The following RAB1A variants were observed in gnomAD, a reference collection of about 807,000 sequenced individuals.
The protein encoded by RAB1A is ras-related protein Rab-1A.
RAB1A carries 2 observed loss-of-function variants against 26.0 expected under a neutral mutation model. The observed-to-expected ratio is 0.08, with a 90% confidence interval of 0.03 to 0.24. The LOEUF (loss-of-function observed/expected upper bound fraction) is 0.24. Among genes scored for constraint, RAB1A ranks in the 10% least tolerant of loss-of-function variants. RAB1A has a pLI of 1.00. For missense variants in RAB1A, 100 were observed against 247.0 expected, an observed-to-expected ratio of 0.40 and a Z score of 3.99; for synonymous variants, 84 against 84.9, an observed-to-expected ratio of 0.99 and a Z score of 0.06.
At chr2:65,105,529 A>AAAAAG (rs1229633332) in intron 1 of RAB1A, 17 of 151,382 alleles carry the variant, frequency 1.1e-4, no homozygotes, top group African/African-American at 4.1e-4. Context: ...AAAAAAAAAA[A>AAAAAG]AAAAAAAAAA....
intron 1 of RAB1A, among the ~76,000 whole-genome samples, chr2:65,118,392 AAAC>A (rs1202256457): frequency 3.3e-5 from 5 of 152,186 alleles, no homozygotes; most frequent in African/African-American, 1.2e-4. Flanking sequence ...AATTTAAAAT[AAAC>A]AACAAAAATT....
At position 65,119,662 on chromosome 2, in the gene RAB1A, G is replaced by C. The variant is rs1220813127; in HGVS notation, c.23+10231C>G. Among the ~76,000 whole-genome samples the C allele has an allele frequency of 2.7e-5, 4 of 150,430 alleles. No homozygotes were observed. In the East Asian group the frequency reaches 5.8e-4, roughly 22 times the overall value. ...CACCCAGAACCTGACCAAATACAAA[G>C]AAAAGTGTGATTCACTGCTTAAATT... On this transcript the variant is annotated intron_variant, in intron 1 of 5. Transcript: ENST00000409784.
intron 2 of RAB1A, among the ~76,000 whole-genome samples, chr2:65,102,550 ACTATCACAGTTCAT>A (rs1669454421): frequency 6.6e-6 from 1 of 151,996 alleles, no homozygotes; most frequent in Admixed American, 6.6e-5. Flanking sequence ...CCTTGAAATG[ACTATCACAGTTCAT>A]CTGAGAAAAT....
chr2:65,089,706 T>C (rs950006957), intron 4 of RAB1A, among the ~76,000 whole-genome samples: 1 of 7,716 alleles, frequency 1.3e-4, no homozygotes, highest in Non-Finnish European at 3.4e-4. Flanking sequence ...TGATTAATTT[T>C]TTTTTTTTTT....
intron 1 of RAB1A, among the ~76,000 whole-genome samples, chr2:65,108,756 A>C (rs910077129): frequency 1.3e-5 from 2 of 152,222 alleles, no homozygotes; most frequent in African/African-American, 4.8e-5. Flanking sequence ...CAGTGAGTCA[A>C]GATCACATCA....
At chr2:65,117,512 C>T (rs572474468) in intron 1 of RAB1A, among the ~76,000 whole-genome samples, 101 of 152,180 alleles carry the variant, frequency 6.6e-4, no homozygotes, top group Non-Finnish European at 9.9e-4. Flanking sequence ...ACCATGAATT[C>T]GTAAAGTAAC....
In RAB1A at chr2:65,087,559, G is replaced by T. The variant is rs1669064150; in HGVS notation, c.*934C>A. On this transcript the variant is annotated 3_prime_UTR_variant, in exon 6 of 6. Transcript: ENST00000409784. ...ATGCATTTATGAAATGTTGATCAATGAAGCTATTTCAAATGGTTTTAGAGA... is the reference window on the plus strand; with the variant it reads ...ATGCATTTATGAAATGTTGATCAATTAAGCTATTTCAAATGGTTTTAGAGA... The T allele has an allele frequency of 6.6e-6, 1 of 152,600 alleles. No homozygotes were observed. The highest frequency in any genetic ancestry group is 2.1e-4 in the South Asian group (1 of 4,832). 9.5% of individuals were successfully genotyped at this position (152,600 alleles called of 1,614,324 possible).
intron 1 of RAB1A, among the ~76,000 whole-genome samples, chr2:65,116,728 T>C (rs1351814432): frequency 6.6e-6 from 1 of 152,242 alleles, no homozygotes; most frequent in Non-Finnish European, 1.5e-5. Flanking sequence ...GGAGTTTACA[T>C]ATATAATCTA....
intron 1 of RAB1A, among the ~76,000 whole-genome samples, chr2:65,112,348 T>A (rs1436233344): frequency 6.6e-6 from 1 of 151,954 alleles, no homozygotes; most frequent in African/African-American, 2.4e-5. Context: ...GGTTTCACCA[T>A]GTTGGCCTGG....
rs748827204 is a variant in RAB1A at position 65,088,550 on chromosome 2, C to T, written c.561G>A (p.Lys187=). ...GPGATAGGAE[K]SNVKIQSTPV... is the part of the protein sequence containing the mutation. The stretch of plus-strand genomic sequence containing the variant: ...GAGTGCTCTGAATTTTAACATTGGA[C>T]TTCTCAGCACCACCAGCTGTTGCTC... Residue 187 remains lysine (K), a synonymous_variant, in exon 6 of 6, where the codon AAG becomes AAA. Transcript: ENST00000409784. 1.9e-6 allele frequency: 3 copies of T among 1,613,598 alleles called. No individual in the cohort carries two copies. Among genetic ancestry groups the T allele is most frequent in the Admixed American group, 3.3e-5 (2 of 59,944 alleles).
At chr2:65,099,434 C>A (rs9784068) in intron 2 of RAB1A, among the ~76,000 whole-genome samples, 24,304 of 152,036 alleles carry the variant, frequency 0.16, 2,098 homozygotes, top group African/African-American at 0.22. Flanking sequence ...ATCATATGAA[C>A]CACAAAGCAC....
Position 65,129,957 on chromosome 2 carries a change from C to A in RAB1A, c.-42G>T. 1 of 1,570,398 alleles carries A rather than the reference C, an allele frequency of 6.4e-7. No individual in the cohort carries two copies. On this transcript the variant is annotated 5_prime_UTR_variant, in exon 1 of 6. Coordinates refer to ENST00000409784, the MANE Select transcript of RAB1A (RefSeq NM_004161.5). ...CCGCCGCCACCGCCGCCCTTGCTGC[C>A]GCAGCCGCCGCCCTGACTCTCCGCG...
chr2:65,087,162 A>G lies in RAB1A; in HGVS notation c.*1331T>C, dbSNP rs2103815293. 1 of 152,514 alleles carries G rather than the reference A, an allele frequency of 6.6e-6. No homozygotes were observed. Among genetic ancestry groups the G allele is most frequent in the Admixed American group, 6.5e-5 (1 of 15,300 alleles). 9.4% of individuals were successfully genotyped at this position (152,514 alleles called of 1,614,324 possible). ...CAACGTTTGACCTCAGTCACCTTAA[A>G]ATGCCAGTGTGGGCAGAAGATTTTT... is the stretch of plus-strand genomic sequence containing the variant. On this transcript the variant is annotated 3_prime_UTR_variant, in exon 6 of 6. Transcript: ENST00000409784.
At chr2:65,107,194 T>C (rs1346293575) in intron 1 of RAB1A, among the ~76,000 whole-genome samples, 6 of 152,074 alleles carry the variant, frequency 3.9e-5, no homozygotes, top group Admixed American at 3.9e-4. Context: ...GCCTCTGAAG[T>C]AGCTGGGATT....
chr2:65,124,139 C>T (rs1055571863), intron 1 of RAB1A, among the ~76,000 whole-genome samples: 18 of 152,086 alleles, frequency 1.2e-4, no homozygotes, highest in Admixed American at 9.2e-4. Context: ...AAGCGCACAC[C>T]ACCACGCCTA....
intron 1 of RAB1A, among the ~76,000 whole-genome samples, chr2:65,123,993 T>A (rs1176063204): frequency 4.6e-5 from 7 of 152,184 alleles, no homozygotes; most frequent in African/African-American, 1.7e-4. Context: ...AAATTTTTAT[T>A]TTTTATTTTT....
intron 2 of RAB1A, among the ~76,000 whole-genome samples, chr2:65,103,580 T>A (rs1476931277): frequency 6.6e-6 from 1 of 152,008 alleles, no homozygotes; most frequent in African/African-American, 2.4e-5. Context: ...GCCAATGTCA[T>A]CACTGAAAAA....
intron 1 of RAB1A, among the ~76,000 whole-genome samples, chr2:65,112,019 G>T (rs1669710539): frequency 6.6e-6 from 1 of 151,890 alleles, no homozygotes; most frequent in Admixed American, 6.6e-5. Context: ...GGAGGTAGAG[G>T]TTGCAGTAAG....
intron 2 of RAB1A, among the ~76,000 whole-genome samples, chr2:65,101,584 C>T (rs1382438252): frequency 1.3e-5 from 2 of 152,026 alleles, no homozygotes; most frequent in East Asian, 3.8e-4. Flanking sequence ...CTAGATTCTT[C>T]CCACCTACCG....
Sources: allele counts gnomAD v4.1 joint callset (sites outside exome capture counted in the v4.1 genomes callset), GRCh38; gene constraint gnomAD v4.1.1; transcripts MANE v1.5; gene names NCBI Gene and HGNC (gene_info 2026-07-23, HGNC 2026-07-21).